ERBB4: variants seen among roughly 807,000 people sequenced by gnomAD.
The protein encoded by ERBB4 is receptor tyrosine-protein kinase erbB-4.
A neutral mutation model predicts 158.0 loss-of-function variants in ERBB4; 42 were observed. The observed-to-expected ratio is 0.27, with a 90% confidence interval of 0.21 to 0.34. The LOEUF is 0.34. Ranked by LOEUF, ERBB4 falls within the 10% of genes least tolerant of loss-of-function variation. The probability of loss-of-function intolerance (pLI) is 1.00; values close to 1 mark genes in which losing one functional copy is unlikely to be tolerated. For missense variants in ERBB4, 1,333 were observed against 1,624.1 expected, an observed-to-expected ratio of 0.82 and a Z score of 3.08; for synonymous variants, 583 against 558.7, an observed-to-expected ratio of 1.04 and a Z score of -0.61.
chr2:212,054,937 T>C (rs1046302649), intron 2 of ERBB4, among the ~76,000 whole-genome samples: 3 of 152,128 alleles, frequency 2.0e-5, no homozygotes, highest in African/African-American at 7.2e-5. Context: ...TCACTGGGGC[T>C]TGTAGGACAG....
chr2:211,591,451 C>A (rs2068460395), intron 19 of ERBB4, among the ~76,000 whole-genome samples: 1 of 152,176 alleles, frequency 6.6e-6, no homozygotes, highest in Admixed American at 6.5e-5. Flanking sequence ...GCTTTCCATA[C>A]CACTATACTG....
intron 1 of ERBB4, among the ~76,000 whole-genome samples, chr2:212,473,968 C>T (rs1689244860): frequency 6.6e-6 from 1 of 152,034 alleles, no homozygotes; most frequent in Non-Finnish European, 1.5e-5. Context: ...ACAAGTACTT[C>T]ATAATAGCTA....
In ERBB4 at chr2:211,704,107, T is replaced by C; in HGVS notation, c.1286A>G (p.Tyr429Cys). 1.9e-6 allele frequency: 3 copies of C among 1,579,668 alleles called. No homozygotes were observed. The highest frequency in any genetic ancestry group is 2.6e-6 in the Non-Finnish European group (3 of 1,148,726). The change falls in exon 11 of 28, where the codon TAT becomes TGT. Residue 429 changes from tyrosine (Y) to cysteine (C), a missense_variant. Tyr to Cys is a radical substitution (Grantham distance 194). This residue lies in a region of ERBB4 where 438 missense variants were observed against 586.9 expected (regional missense o/e 0.75). Transcript: ENST00000342788. ...NLVTIGGRVL[Y>C]SGLSLLILKQ... ...AGCTTTAAACATATCCACTTACCTA[T>C]AGAGTACTCTTCCACCAATGGTCAC...
intron 27 of ERBB4, among the ~76,000 whole-genome samples, chr2:211,384,449 C>T (rs10189888): frequency 0.085 from 12,993 of 152,080 alleles, 1,559 homozygotes; most frequent in African/African-American, 0.27. Flanking sequence ...GACAACTTAA[C>T]TTCTATAAAG....
intron 1 of ERBB4, among the ~76,000 whole-genome samples, chr2:212,293,865 A>AAC (rs1472811650): frequency 2.0e-5 from 3 of 150,320 alleles, no homozygotes; most frequent in Non-Finnish European, 4.4e-5. Flanking sequence ...AAAACAAAAA[A>AAC]AAAAAAAACA....
At chr2:212,191,717 ACATATAACACGTGTTATACATG>A (rs2082227940) in intron 1 of ERBB4, among the ~76,000 whole-genome samples, 3 of 148,456 alleles carry the variant, frequency 2.0e-5, no homozygotes, top group East Asian at 2.0e-4. Flanking sequence ...TATACATGTT[ACATATAACACGTGTTATACATG>A]TTACATATAA....
chr2:211,949,923 T>A (rs1040867787), intron 2 of ERBB4, among the ~76,000 whole-genome samples: 3 of 152,156 alleles, frequency 2.0e-5, no homozygotes, highest in Admixed American at 6.6e-5. Context: ...TCGTAACCTG[T>A]CTCTTTTTCC....
chr2:212,300,498 G>A (rs2086579629), intron 1 of ERBB4, among the ~76,000 whole-genome samples: 1 of 151,438 alleles, frequency 6.6e-6, no homozygotes, highest in Non-Finnish European at 1.5e-5. Flanking sequence ...TTTTTCTTGT[G>A]AGACTGTCCT....
chr2:212,042,459 T>A (rs182882491), intron 2 of ERBB4, among the ~76,000 whole-genome samples: 1 of 152,220 alleles, frequency 6.6e-6, no homozygotes, highest in African/African-American at 2.4e-5. Flanking sequence ...TAAAATAAAA[T>A]CATGCACGAT....
At position 211,687,254 on chromosome 2, in the gene ERBB4, G is replaced by A. The variant is rs371341784; in HGVS notation, c.1490-8070C>T. The stretch of plus-strand genomic sequence containing the variant: ...CAGGAGGCGGAGCTTGCAGTGAGCC[G>A]AGATCGCACCACTGCACTCCAGCCT... On this transcript the variant is annotated intron_variant, in intron 12 of 27. Transcript: ENST00000342788. Among the ~76,000 whole-genome samples the A allele has an allele frequency of 6.1e-5, 9 of 147,936 alleles. No individual in the cohort carries two copies. In the East Asian group the frequency reaches 9.9e-4, roughly 16 times the overall value.
chr2:211,657,887 A>G, intron 15 of ERBB4, 59 bp from the exon 16 acceptor site: 1 of 1,599,744 alleles, frequency 6.3e-7, no homozygotes, highest in Non-Finnish European at 8.6e-7. Flanking sequence ...ATGCACACAC[A>G]TGCACCAGTG....
chr2:211,819,070 C>A (rs949572045), intron 3 of ERBB4, among the ~76,000 whole-genome samples: 16 of 152,004 alleles, frequency 1.1e-4, no homozygotes, highest in African/African-American at 3.9e-4. Flanking sequence ...AGATAAAACC[C>A]AAATAATCTG....
chr2:212,285,390 ATT>A (rs10707896), intron 1 of ERBB4, among the ~76,000 whole-genome samples: 245 of 146,072 alleles, frequency 1.7e-3, no homozygotes, highest in Middle Eastern at 3.5e-3. Context: ...GGGGACTGTG[ATT>A]TTTTTTTTTT....
intron 1 of ERBB4, among the ~76,000 whole-genome samples, chr2:212,357,100 G>T (rs1257576525): frequency 1.3e-5 from 2 of 151,694 alleles, no homozygotes; most frequent in East Asian, 3.9e-4. Flanking sequence ...AAAATTATGT[G>T]AGCAAATTTG....
chr2:211,929,740 G>A (rs1379330051), intron 3 of ERBB4, among the ~76,000 whole-genome samples: 1 of 152,186 alleles, frequency 6.6e-6, no homozygotes, highest in Non-Finnish European at 1.5e-5. Context: ...CTCTTTGGAT[G>A]TGTCAGTGAC....
chr2:212,017,815 A>G (rs569785586), intron 2 of ERBB4, among the ~76,000 whole-genome samples: 41 of 152,280 alleles, frequency 2.7e-4, no homozygotes, highest in African/African-American at 9.6e-4. Flanking sequence ...TTTAGTGATA[A>G]CTATTACTAC....
chr2:211,621,584 T>C (rs1450680766), intron 18 of ERBB4, among the ~76,000 whole-genome samples: 2 of 152,198 alleles, frequency 1.3e-5, no homozygotes, highest in Non-Finnish European at 1.5e-5. Flanking sequence ...GGTAACATTT[T>C]TCTCTGCTGA....
At chr2:211,486,523 T>C (rs2065207651) in intron 20 of ERBB4, among the ~76,000 whole-genome samples, 1 of 151,746 alleles carries the variant, frequency 6.6e-6, no homozygotes, top group Admixed American at 6.6e-5. Flanking sequence ...AGTAGTTTTC[T>C]ATTCAAAATA....
intron 2 of ERBB4, among the ~76,000 whole-genome samples, chr2:212,025,057 T>C (rs1488395883): frequency 6.6e-6 from 1 of 151,848 alleles, no homozygotes; most frequent in Admixed American, 6.6e-5. Flanking sequence ...AGACACCTAA[T>C]AAATGGCAGC....
Sources: gnomAD v4.1 joint callset for allele counts (sites outside exome capture counted in the v4.1 genomes callset) on GRCh38, gnomAD v4.1.1 for gene constraint, gnomAD v4.1.1 regional missense constraint, MANE v1.5 for transcripts, NCBI Gene and HGNC (gene_info 2026-07-23, HGNC 2026-07-21) for gene names.